The following TRAK1 variants were observed in gnomAD, a reference collection of about 807,000 sequenced individuals.
The protein encoded by TRAK1 is trafficking kinesin protein 1.
TRAK1 carries 33 observed loss-of-function variants against 92.1 expected under a neutral mutation model. That is an observed-to-expected ratio of 0.36 (90% CI 0.27 to 0.48). The LOEUF is 0.48. Ranked by LOEUF, TRAK1 falls within the 20% of genes least tolerant of loss-of-function variation. The pLI, the probability that TRAK1 is intolerant of heterozygous loss-of-function variation, is 0.99. For synonymous variants in TRAK1, 521 were observed against 517.3 expected (o/e 1.01, Z -0.10); for missense variants, 1,123 against 1,257.9 (o/e 0.89, Z 1.62).
chr3:42,207,940 C>T (rs899891180), intron 13 of TRAK1, among the ~76,000 whole-genome samples: 2 of 152,156 alleles, frequency 1.3e-5, no homozygotes, highest in Admixed American at 1.3e-4. Context: ...GGATGTTTGG[C>T]AGCATCTCTG....
chr3:42,126,303 G>A (rs777377522), intron 2 of TRAK1, among the ~76,000 whole-genome samples: 1 of 152,070 alleles, frequency 6.6e-6, no homozygotes, highest in Non-Finnish European at 1.5e-5. Context: ...ATGTGACATA[G>A]CAAAATATGT....
chr3:42,045,264 G>A (rs1188548015), intron 1 of TRAK1, among the ~76,000 whole-genome samples: 1 of 152,150 alleles, frequency 6.6e-6, no homozygotes, highest in Non-Finnish European at 1.5e-5. Context: ...GCCGGGCATG[G>A]TGACTCACGC....
At chr3:42,203,824 TAA>T in intron 13 of TRAK1, 1 of 837,318 alleles carries the variant, frequency 1.2e-6, no homozygotes. Flanking sequence ...TGTATATACA[TAA>T]ACAATACATA....
chr3:42,019,742 A>G (rs1266093846), intron 1 of TRAK1, among the ~76,000 whole-genome samples: 1 of 152,208 alleles, frequency 6.6e-6, no homozygotes, highest in Non-Finnish European at 1.5e-5. Flanking sequence ...GTTTCTATCA[A>G]ATAATTTCCA....
chr3:42,221,144 T>C (rs569388709), intron 15 of TRAK1, among the ~76,000 whole-genome samples: 9 of 143,102 alleles, frequency 6.3e-5, no homozygotes, highest in African/African-American at 2.1e-4. Flanking sequence ...AACAAATCAA[T>C]TGAAACAAAC....
chr3:42,115,399 C>T (rs1439349865), intron 1 of TRAK1, among the ~76,000 whole-genome samples: 1 of 152,092 alleles, frequency 6.6e-6, no homozygotes, highest in African/African-American at 2.4e-5. Context: ...CATTCAGTTG[C>T]CCTTTAGCCT....
chr3:42,035,410 C>T (rs1702290518), intron 1 of TRAK1, among the ~76,000 whole-genome samples: 1 of 152,180 alleles, frequency 6.6e-6, no homozygotes, highest in African/African-American at 2.4e-5. Flanking sequence ...ACCCACCTGT[C>T]TGCTCATTCC....
chr3:42,033,576 A>G (rs1702225244), intron 1 of TRAK1, among the ~76,000 whole-genome samples: 1 of 144,696 alleles, frequency 6.9e-6, no homozygotes, highest in African/African-American at 2.8e-5. Flanking sequence ...CAACAGAGCA[A>G]GACCCTGTCT....
At chr3:42,144,970 A>G (rs1475634362) in intron 2 of TRAK1, among the ~76,000 whole-genome samples, 1 of 152,168 alleles carries the variant, frequency 6.6e-6, no homozygotes, top group Non-Finnish European at 1.5e-5. Context: ...TATGTCTATT[A>G]TATTTAAGTA....
intron 15 of TRAK1, 70 bp from the exon 16 acceptor site, chr3:42,222,872 A>T (rs1346121945): frequency 7.8e-6 from 12 of 1,540,074 alleles, no homozygotes; most frequent in Non-Finnish European, 9.7e-6. Flanking sequence ...CCTGCAGGAA[A>T]CTGGCCACTG....
chr3:42,185,005 G>A (rs1367453960), intron 4 of TRAK1: 1 of 551,646 alleles, frequency 1.8e-6, no homozygotes, highest in Non-Finnish European at 3.3e-6. Context: ...GCTGCTGCTT[G>A]TGTCTCTTTT....
At chr3:42,014,273 G>A (rs564999497) in intron 1 of TRAK1, among the ~76,000 whole-genome samples, 4 of 152,318 alleles carry the variant, frequency 2.6e-5, no homozygotes, top group Admixed American at 2.0e-4. Flanking sequence ...TGCACCGGCC[G>A]CACCTGCAGG....
intron 1 of TRAK1, among the ~76,000 whole-genome samples, chr3:42,034,537 C>A (rs72867925): frequency 6.6e-6 from 1 of 152,038 alleles, no homozygotes; most frequent in Non-Finnish European, 1.5e-5. Context: ...GTGGTCTGCC[C>A]GCCTCAGTCT....
intron 10 of TRAK1, among the ~76,000 whole-genome samples, chr3:42,198,739 T>C (rs899464940): frequency 3.9e-5 from 6 of 152,056 alleles, no homozygotes; most frequent in Non-Finnish European, 7.4e-5. Flanking sequence ...AGGGGGACAA[T>C]AGCTTTGTGT....
chr3:42,016,720 G>A (rs569448319), intron 1 of TRAK1, among the ~76,000 whole-genome samples: 1 of 152,304 alleles, frequency 6.6e-6, no homozygotes, highest in South Asian at 2.1e-4. Flanking sequence ...AGAGAGCCAA[G>A]GAGAGTAAGC....
At chr3:42,020,848 G>C (rs1345207196) in intron 1 of TRAK1, among the ~76,000 whole-genome samples, 2 of 152,124 alleles carry the variant, frequency 1.3e-5, no homozygotes, top group South Asian at 2.1e-4. Flanking sequence ...CTTCCAGTTG[G>C]GGAGTTTGGT....
At chr3:42,171,684 C>A (rs1409783602) in intron 2 of TRAK1, among the ~76,000 whole-genome samples, 1 of 152,130 alleles carries the variant, frequency 6.6e-6, no homozygotes, top group Non-Finnish European at 1.5e-5. Flanking sequence ...GCCACACCAC[C>A]TTTGTTTTCT....
At chr3:42,170,893 G>A (rs905652335) in intron 2 of TRAK1, among the ~76,000 whole-genome samples, 5 of 149,858 alleles carry the variant, frequency 3.3e-5, no homozygotes, top group African/African-American at 9.9e-5. Context: ...GCATGATCTC[G>A]GCTTACTGCA....
At chr3:42,154,252 A>C (rs2149271521) in intron 2 of TRAK1, among the ~76,000 whole-genome samples, 1 of 152,202 alleles carries the variant, frequency 6.6e-6, no homozygotes, top group Non-Finnish European at 1.5e-5. Context: ...AGCTCACTGC[A>C]ATGTCTGCCT....
Sources: allele counts gnomAD v4.1 joint callset (sites outside exome capture counted in the v4.1 genomes callset), GRCh38; gene constraint gnomAD v4.1.1; transcripts MANE v1.5; gene names NCBI Gene and HGNC (gene_info 2026-07-23, HGNC 2026-07-21).